Variants in CACNA2D3 observed in about 807,000 individuals in gnomAD.
CACNA2D3 encodes calcium voltage-gated channel auxiliary subunit alpha2delta 3, also known as voltage-dependent calcium channel subunit alpha-2/delta-3.
A neutral mutation model predicts 160.6 loss-of-function variants in CACNA2D3; 60 were observed. The ratio of observed to expected loss-of-function variants is 0.37; its 90% CI spans 0.30 to 0.46. The LOEUF (loss-of-function observed/expected upper bound fraction) is 0.46, where lower values mean the gene tolerates loss of function less well. Among genes scored for constraint, CACNA2D3 ranks in the 20% least tolerant of loss-of-function variants. CACNA2D3 has a pLI of 1.00. For missense variants in CACNA2D3, 1,205 were observed against 1,365.0 expected (o/e 0.88, Z 1.85); for synonymous variants, 558 against 492.9 (o/e 1.13, Z -1.75).
At chr3:54,893,420 A>T (rs772442640) in intron 25 of CACNA2D3, among the ~76,000 whole-genome samples, 1 of 151,272 alleles carries the variant, frequency 6.6e-6, no homozygotes. Context: ...ATCTGTCTTC[A>T]AGAAACTCCT....
chr3:54,245,242 T>A (rs1702050304), intron 2 of CACNA2D3, among the ~76,000 whole-genome samples: 1 of 152,104 alleles, frequency 6.6e-6, no homozygotes, highest in African/African-American at 2.4e-5. Context: ...TTAAATTTAA[T>A]TTTAAGTTCC....
chr3:54,290,563 A>G (rs1420842032), intron 2 of CACNA2D3, among the ~76,000 whole-genome samples: 2 of 151,184 alleles, frequency 1.3e-5, no homozygotes, highest in Non-Finnish European at 2.9e-5. Context: ...TACTGGGTAT[A>G]TACCCAAAGG....
intron 17 of CACNA2D3, among the ~76,000 whole-genome samples, chr3:54,852,160 G>A (rs558286484): frequency 1.3e-5 from 2 of 152,192 alleles, no homozygotes; most frequent in Non-Finnish European, 2.9e-5. Context: ...CTCCCAGGCT[G>A]TAGCCTCTCC....
At chr3:54,392,772 A>G (rs774106702) in intron 4 of CACNA2D3, among the ~76,000 whole-genome samples, 13 of 152,122 alleles carry the variant, frequency 8.5e-5, no homozygotes, top group Non-Finnish European at 1.9e-4. Flanking sequence ...ACCTGTTACA[A>G]TGGGAGCTTT....
chr3:54,606,415 CAG>C (rs1190254592), intron 9 of CACNA2D3, among the ~76,000 whole-genome samples: 1 of 152,044 alleles, frequency 6.6e-6, no homozygotes, highest in East Asian at 1.9e-4. Context: ...ATTCAGGAAA[CAG>C]AGGATGGTGG....
chr3:54,169,863 C>G (rs778804062), intron 2 of CACNA2D3, among the ~76,000 whole-genome samples: 3 of 151,996 alleles, frequency 2.0e-5, no homozygotes, highest in African/African-American at 4.8e-5. Flanking sequence ...CAGCCAAGAT[C>G]TGAATGATAA....
intron 27 of CACNA2D3, among the ~76,000 whole-genome samples, chr3:54,937,006 C>T (rs1438256685): frequency 1.3e-5 from 2 of 152,064 alleles, no homozygotes; most frequent in African/African-American, 4.8e-5. Context: ...AGCTGAGTGC[C>T]GCTGTGTGTG....
chr3:54,482,710 G>A (rs1037755249), intron 4 of CACNA2D3, among the ~76,000 whole-genome samples: 2 of 152,136 alleles, frequency 1.3e-5, no homozygotes, highest in Admixed American at 6.5e-5. Flanking sequence ...TCATGTAAAT[G>A]CCACTGGGTC....
rs74983839 is a variant in CACNA2D3 at position 54,496,524 on chromosome 3, T to A, written c.382-6968T>A. On this transcript the variant is annotated intron_variant, in intron 4 of 37. Transcript: ENST00000474759. ...ATTTTCAGTTGAGCTACAGGAGTTGTTTACATATTTAGGGCACAGGTCATT... is the reference window on the plus strand; with the variant it reads ...ATTTTCAGTTGAGCTACAGGAGTTGATTACATATTTAGGGCACAGGTCATT... Among the ~76,000 whole-genome samples the A allele has an allele frequency of 8.7e-3, 1,318 of 152,286 alleles. 21 individuals carry two copies. The highest frequency in any genetic ancestry group is 0.03 in the African/African-American group (1,252 of 41,558).
intron 35 of CACNA2D3, among the ~76,000 whole-genome samples, chr3:55,070,400 G>A (rs1704776217): frequency 1.3e-5 from 2 of 152,186 alleles, no homozygotes; most frequent in Non-Finnish European, 1.5e-5. Flanking sequence ...GAGAAATGGG[G>A]TGGTTGCAGG....
At chr3:54,569,879 G>C in intron 7 of CACNA2D3, 24 bp downstream of exon 7, 1 of 1,611,582 alleles carries the variant, frequency 6.2e-7, no homozygotes, top group African/African-American at 1.3e-5. Flanking sequence ...AGACCTCTTT[G>C]TTATTTCTCA....
chr3:54,547,671 CCTTT>C (rs1373847886), intron 5 of CACNA2D3, among the ~76,000 whole-genome samples: 1 of 114,788 alleles, frequency 8.7e-6, no homozygotes, highest in African/African-American at 3.4e-5. Context: ...CTCCCCCAAC[CCTTT>C]TTTTTTTTTT....
chr3:54,464,703 A>T (rs187657624), intron 4 of CACNA2D3, among the ~76,000 whole-genome samples: 8 of 152,284 alleles, frequency 5.3e-5, no homozygotes, highest in Non-Finnish European at 1.2e-4. Flanking sequence ...TAGGAAGGGG[A>T]ACTCCCTGAC....
At chr3:54,714,490 A>C (rs1199298739) in intron 11 of CACNA2D3, among the ~76,000 whole-genome samples, 2 of 152,074 alleles carry the variant, frequency 1.3e-5, no homozygotes, top group African/African-American at 2.4e-5. Context: ...CATGGACTTG[A>C]TATACCCCAA....
chr3:54,626,880 G>C (rs561995493), intron 9 of CACNA2D3, among the ~76,000 whole-genome samples: 1 of 152,072 alleles, frequency 6.6e-6, no homozygotes, highest in African/African-American at 2.4e-5. Flanking sequence ...TTGCCCCTTT[G>C]TTGGGAAGCA....
At chr3:54,471,984 A>T (rs1392800573) in intron 4 of CACNA2D3, among the ~76,000 whole-genome samples, 1 of 152,186 alleles carries the variant, frequency 6.6e-6, no homozygotes, top group Non-Finnish European at 1.5e-5. Context: ...AGGAGTTGGT[A>T]CCATTCCTTC....
chr3:54,223,790 T>C (rs1362250564), intron 2 of CACNA2D3, among the ~76,000 whole-genome samples: 4 of 146,584 alleles, frequency 2.7e-5, no homozygotes, highest in Non-Finnish European at 4.5e-5. Context: ...AGGTGGAGGT[T>C]GCAGTGAGCC....
In CACNA2D3 at chr3:54,736,086, TG is replaced by T. The variant is rs1701513852; in HGVS notation, c.1168-16512del. Among the ~76,000 whole-genome samples, 2 of 23,966 alleles carry T rather than the reference TG, an allele frequency of 8.3e-5. 1 individual carries two copies. The highest frequency in any genetic ancestry group is 2.2e-4 in the Non-Finnish European group (2 of 9,248). The allele number at this position is 23,966 out of a possible 152,430, so 15.7% of individuals were successfully genotyped here. A position where few individuals can be genotyped will look rare whatever the true frequency, so the allele number is the denominator to read the frequency against. On this transcript the variant is annotated intron_variant, in intron 11 of 37. Transcript: ENST00000474759. ...GTATATATATATACATATATATGTA[TG>T]TGTATATATATACATATATATGTAT...
At chr3:55,056,329 A>G (rs1310354397) in intron 35 of CACNA2D3, among the ~76,000 whole-genome samples, 1 of 152,186 alleles carries the variant, frequency 6.6e-6, no homozygotes, top group Non-Finnish European at 1.5e-5. Flanking sequence ...GGATGTGGAG[A>G]AAAGCGAAAC....
Sources: gnomAD v4.1 joint callset for allele counts (sites outside exome capture counted in the v4.1 genomes callset) on GRCh38, gnomAD v4.1.1 for gene constraint, MANE v1.5 for transcripts, NCBI Gene and HGNC (gene_info 2026-07-23, HGNC 2026-07-21) for gene names.